Variants in PGM1 observed in about 807,000 individuals in gnomAD.
The protein encoded by PGM1 is phosphoglucomutase 1.
Under a neutral mutation model 55.6 loss-of-function variants are expected in PGM1, and 52 were observed. That is an observed-to-expected ratio of 0.94 (90% CI 0.75 to 1.18). The LOEUF is 1.18. Among genes scored for constraint, PGM1 ranks in the 50% most tolerant of loss-of-function variants. The pLI, the probability that PGM1 is intolerant of heterozygous loss-of-function variation, is 0.00. For synonymous variants in PGM1, 287 were observed against 271.7 expected (o/e 1.06, Z -0.55); for missense variants, 724 against 729.3 (o/e 0.99, Z 0.08).
chr1:63,638,287 C>T (rs1649414666), intron 6 of PGM1, among the ~76,000 whole-genome samples: 1 of 152,206 alleles, frequency 6.6e-6, no homozygotes, highest in South Asian at 2.1e-4. Context: ...TGCTAACTGC[C>T]CAGACCCAGT....
At chr1:63,642,431 T>C (rs1217256708) in intron 7 of PGM1, among the ~76,000 whole-genome samples, 1 of 152,206 alleles carries the variant, frequency 6.6e-6, no homozygotes, top group African/African-American at 2.4e-5. Context: ...AAGCCTGTTG[T>C]TGTTTGTTGA....
rs866870734 is a variant in PGM1, at chr1:63,633,930, A to T, written c.683-899A>T. On this transcript the variant is annotated intron_variant, in intron 4 of 10. Coordinates refer to ENST00000371084, the MANE Select transcript of PGM1 (RefSeq NM_002633.3). ...TGTGTGTGTGTGTGTATATATATAT[A>T]TATTTTTTTTTTTTTTTTTTTTTTT... is the stretch of plus-strand genomic sequence containing the variant. Among the ~76,000 whole-genome samples the T allele has an allele frequency of 1.0e-3, 71 of 71,294 alleles. 3 individuals carry two copies. Among genetic ancestry groups the T allele is most frequent in the African/African-American group, 5.5e-3 (64 of 11,720 alleles). 46.8% of individuals were successfully genotyped at this position (71,294 alleles called of 152,430 possible). A position where few individuals can be genotyped will look rare whatever the true frequency, so the allele number is the denominator to read the frequency against.
intron 4 of PGM1, among the ~76,000 whole-genome samples, chr1:63,633,868 G>C (rs11208255): frequency 0.11 from 826 of 7,258 alleles, 19 homozygotes; most frequent in Middle Eastern, 0.21. Flanking sequence ...CTGTGTCTCT[G>C]TGTGTGTGTG....
Position 63,654,484 on chromosome 1 carries a change from G to T in PGM1, c.1599+18G>T, listed in dbSNP as rs1472416650. On this transcript the variant is annotated intron_variant, in intron 10 of 10. Coordinates refer to ENST00000371084, the MANE Select transcript of PGM1 (RefSeq NM_002633.3). ...ACCCCCAGGTAACGCCCAGCCCTGT[G>T]CCCTGGTTAGTTCTTTCTGTTCAAG... 3.1e-6 allele frequency: 5 copies of T among 1,613,304 alleles called. No homozygotes were observed. In the African/African-American group the frequency reaches 6.7e-5, roughly 22 times the overall value.
intron 10 of PGM1, among the ~76,000 whole-genome samples, chr1:63,654,907 C>T (rs1649918358): frequency 6.6e-6 from 1 of 151,604 alleles, no homozygotes; most frequent in Non-Finnish European, 1.5e-5. Flanking sequence ...GAAACTGAGG[C>T]ACAGAAAAGT....
At chr1:63,607,995 CTG>C (rs1165832743) in intron 1 of PGM1, among the ~76,000 whole-genome samples, 2 of 152,230 alleles carry the variant, frequency 1.3e-5, no homozygotes, top group African/African-American at 4.8e-5. Context: ...TTTGTCATGA[CTG>C]AGGACTTTCA....
In PGM1 at chr1:63,651,688, G is replaced by C. The variant is rs1165383213; in HGVS notation, c.1300G>C (p.Glu434Gln). 1.2e-6 allele frequency: 2 copies of C among 1,613,648 alleles called. No homozygotes were observed. Among genetic ancestry groups the C allele is most frequent in the African/African-American group, 2.7e-5 (2 of 74,920 alleles). The change falls in exon 9 of 11, where the codon GAA becomes CAA. Residue 434 changes from glutamate to glutamine, a missense_variant. Glu to Gln is a conservative substitution (Grantham distance 29). Transcript: ENST00000371084. ...FFTRYDYEEV[E>Q]AEGANKMMKD... ...TTCCAGGTATGATTACGAGGAGGTG[G>C]AAGCTGAGGGCGCAAACAAAATGAT...
intron 1 of PGM1, among the ~76,000 whole-genome samples, chr1:63,616,697 G>A (rs534692461): frequency 7.2e-6 from 1 of 138,506 alleles, no homozygotes; most frequent in South Asian, 2.1e-4. Flanking sequence ...ACTCTCTGAG[G>A]CAGAGGCAGC....
At chr1:63,617,973 A>G (rs1391959629) in intron 1 of PGM1, among the ~76,000 whole-genome samples, 1 of 152,130 alleles carries the variant, frequency 6.6e-6, no homozygotes, top group Non-Finnish European at 1.5e-5. Context: ...CTTGTCTAAT[A>G]AGGAAAACTT....
intron 1 of PGM1, among the ~76,000 whole-genome samples, chr1:63,609,007 TACTG>T (rs1648497835): frequency 6.6e-6 from 1 of 152,166 alleles, no homozygotes; most frequent in African/African-American, 2.4e-5. Context: ...TTATTCCAAA[TACTG>T]AGGCCATTGG....
chr1:63,654,260 A>G, intron 9 of PGM1, 72 bp from the exon 10 acceptor site: 5 of 1,430,080 alleles, frequency 3.5e-6, no homozygotes, highest in Non-Finnish European at 4.9e-6. Context: ...ATCCCCAAAT[A>G]GACCCCTCAT....
At chr1:63,652,541 A>C (rs2269236) in intron 9 of PGM1, among the ~76,000 whole-genome samples, 71,264 of 151,942 alleles carry the variant, frequency 0.47, 16,969 homozygotes, top group East Asian at 0.58. Flanking sequence ...ACACTTACGC[A>C]CCAGGGTTCT....
intron 1 of PGM1, among the ~76,000 whole-genome samples, chr1:63,604,090 T>A (rs2100959548): frequency 6.6e-6 from 1 of 152,072 alleles, no homozygotes; most frequent in East Asian, 1.9e-4. Context: ...AATCTCAGAT[T>A]TCCCTGTCAA....
intron 1 of PGM1, among the ~76,000 whole-genome samples, chr1:63,608,245 T>C (rs855302): frequency 0.77 from 117,917 of 152,210 alleles, 46,168 homozygotes; most frequent in South Asian, 0.89. Context: ...AGGCAGAGTC[T>C]GGCATTCTGC....
At chr1:63,623,545 C>G (rs779942353) in intron 1 of PGM1, 1 of 1,612,612 alleles carries the variant, frequency 6.2e-7, no homozygotes, top group South Asian at 1.1e-5. Flanking sequence ...TGCTACAGCT[C>G]CCTACCACGA....
At chr1:63,593,887 C>T (rs2100948337) in intron 1 of PGM1, 153 bp downstream of exon 1, 1 of 1,273,978 alleles carries the variant, frequency 7.8e-7, no homozygotes, top group Non-Finnish European at 9.8e-7. Context: ...GCTCGCTCTT[C>T]TGGCCTGGAG....
At chr1:63,608,097 G>C (rs534192960) in intron 1 of PGM1, among the ~76,000 whole-genome samples, 1 of 152,112 alleles carries the variant, frequency 6.6e-6, no homozygotes, top group Admixed American at 6.5e-5. Context: ...TGTTTCCCAA[G>C]GTGATTGTTT....
chr1:63,659,594 G>T lies in PGM1; in HGVS notation c.1608G>T (p.Leu536Phe). 1 of 1,613,488 alleles carries T rather than the reference G, an allele frequency of 6.2e-7. No individual in the cohort carries two copies. The highest frequency in any genetic ancestry group is 8.5e-7 in the Non-Finnish European group (1 of 1,179,600). The part of the protein sequence containing the change: ...AKINQDPQVM[L>F]APLISIALKV... ...CTCTATGTCTTCCTCAGGTCATGTT[G>T]GCCCCCCTTATTTCCATTGCTCTGA... Residue 536 changes from leucine to phenylalanine, a missense_variant, in exon 11 of 11, where the codon TTG becomes TTT. By Grantham distance (22) the Leu-to-Phe change is conservative. Transcript: ENST00000371084.
chr1:63,646,625 C>T (rs916421623), intron 7 of PGM1, among the ~76,000 whole-genome samples: 1 of 152,142 alleles, frequency 6.6e-6, no homozygotes, highest in Admixed American at 6.5e-5. Flanking sequence ...ATTGTGCCAG[C>T]GTCCACTCCC....
Sources: allele counts gnomAD v4.1 joint callset (sites outside exome capture counted in the v4.1 genomes callset), GRCh38; gene constraint gnomAD v4.1.1; transcripts MANE v1.5; gene names NCBI Gene and HGNC (gene_info 2026-07-23, HGNC 2026-07-21).